Variants in WDR7 observed in about 807,000 individuals in gnomAD.
The protein encoded by WDR7 is WD repeat-containing protein 7.
A neutral mutation model predicts 169.4 loss-of-function variants in WDR7; 46 were observed. The ratio of observed to expected loss-of-function variants is 0.27; its 90% confidence interval spans 0.21 to 0.35. WDR7 has a LOEUF of 0.35. WDR7 is among the 10% of genes least tolerant of loss of function. The probability of loss-of-function intolerance (pLI) is 1.00; values close to 1 mark genes in which losing one functional copy is unlikely to be tolerated. For missense variants in WDR7, 1,534 were observed against 1,859.3 expected (o/e 0.83, Z 3.22); for synonymous variants, 612 against 666.8 (o/e 0.92, Z 1.27).
Position 56,691,324 on chromosome 18 carries a change from G to A in WDR7, c.826G>A (p.Glu276Lys). The A allele has an allele frequency of 1.3e-6, 2 of 1,599,042 alleles. No homozygotes were observed. Among genetic ancestry groups the A allele is most frequent in the East Asian group, 2.3e-5 (1 of 44,288 alleles). ...ATCAGATAAAGTCATCATTTGGACAGAAAATGGGCAAAGTTATATTTACAA... is the reference window on the plus strand; with the variant it reads ...ATCAGATAAAGTCATCATTTGGACAAAAAATGGGCAAAGTTATATTTACAA... ...VSSDKVIIWT[E>K]NGQSYIYKLP... The change falls in exon 8 of 28, where the codon GAA (glutamate) becomes AAA (lysine). Residue 276 changes from glutamate to lysine, a missense_variant. By Grantham distance (56) the Glu-to-Lys change is moderately conservative (BLOSUM62 1). Coordinates refer to ENST00000254442, the MANE Select transcript of WDR7 (RefSeq NM_015285.3).
intron 26 of WDR7, among the ~76,000 whole-genome samples, chr18:56,980,321 C>G (rs1429767177): frequency 6.6e-6 from 1 of 152,212 alleles, no homozygotes; most frequent in Admixed American, 6.5e-5. Flanking sequence ...GTGGCTAGCA[C>G]CCCCAGATTG....
chr18:56,781,171 A>G (rs760169902), intron 18 of WDR7, among the ~76,000 whole-genome samples: 15 of 152,212 alleles, frequency 9.9e-5, no homozygotes, highest in Non-Finnish European at 2.1e-4. Flanking sequence ...TGGCTTAACA[A>G]TAATGTTAAT....
At chr18:57,000,584 C>G (rs1395919032) in intron 26 of WDR7, among the ~76,000 whole-genome samples, 1 of 152,114 alleles carries the variant, frequency 6.6e-6, no homozygotes, top group Non-Finnish European at 1.5e-5. Context: ...TTTGTAAGCT[C>G]AAACAGCACT....
intron 1 of WDR7, among the ~76,000 whole-genome samples, chr18:56,670,780 G>T (rs2025117528): frequency 6.6e-6 from 1 of 152,092 alleles, no homozygotes; most frequent in Non-Finnish European, 1.5e-5. Context: ...CAAAGTGCTG[G>T]GATTACAGAT....
intron 21 of WDR7, among the ~76,000 whole-genome samples, chr18:56,882,914 C>G (rs2046129890): frequency 6.6e-6 from 1 of 152,110 alleles, no homozygotes; most frequent in South Asian, 2.1e-4. Flanking sequence ...TTGCTTAGTA[C>G]AAATATCTGT....
intron 20 of WDR7, 151 bp downstream of exon 20, chr18:56,816,295 CCT>C (rs2145216641): frequency 1.5e-6 from 1 of 645,934 alleles, no homozygotes; most frequent in Admixed American, 3.6e-5. Context: ...TGTTCAGTGT[CCT>C]CTTTAATTTT....
chr18:56,785,156 T>C (rs534800785), intron 19 of WDR7, among the ~76,000 whole-genome samples: 1 of 152,174 alleles, frequency 6.6e-6, no homozygotes, highest in South Asian at 2.1e-4. Flanking sequence ...AATGACCACA[T>C]AGGGCTGTTG....
chr18:56,679,471 T>C, intron 3 of WDR7, 33 bp downstream of exon 3: 1 of 1,543,154 alleles, frequency 6.5e-7, no homozygotes, highest in Non-Finnish European at 8.9e-7. Flanking sequence ...CTTTTTCTCA[T>C]GAGTCTTTAT....
chr18:56,676,048 G>C (rs948594007), intron 2 of WDR7, among the ~76,000 whole-genome samples: 7 of 151,966 alleles, frequency 4.6e-5, no homozygotes, highest in African/African-American at 7.3e-5. Context: ...ATATATCTGG[G>C]TGCTCTGGTG....
chr18:56,701,317 G>C (rs540913477), intron 12 of WDR7, among the ~76,000 whole-genome samples: 5 of 152,156 alleles, frequency 3.3e-5, no homozygotes, highest in Non-Finnish European at 7.4e-5. Flanking sequence ...CTGTGGTTTT[G>C]AGGTTTCTAA....
intron 5 of WDR7, 94 bp from the exon 6 acceptor site, chr18:56,685,862 T>A (rs2025432734): frequency 2.1e-6 from 2 of 942,076 alleles, no homozygotes; most frequent in Non-Finnish European, 3.2e-6. Flanking sequence ...AAACATGCTA[T>A]TGTTTAATTT....
downstream of WDR7, chr18:57,033,103 G>A (rs2048451241): frequency 6.6e-6 from 1 of 151,986 alleles, no homozygotes; most frequent in Non-Finnish European, 1.5e-5. Flanking sequence ...CCAAGCGTAT[G>A]TTCTTTATTT....
intron 20 of WDR7, among the ~76,000 whole-genome samples, chr18:56,822,522 C>T (rs7230044): frequency 0.12 from 17,560 of 152,136 alleles, 1,462 homozygotes; most frequent in African/African-American, 0.23. Flanking sequence ...GAACAAAATA[C>T]GGCATATTAT....
intron 20 of WDR7, among the ~76,000 whole-genome samples, chr18:56,839,148 A>G (rs1158429560): frequency 6.6e-6 from 1 of 152,192 alleles, no homozygotes; most frequent in Non-Finnish European, 1.5e-5. Flanking sequence ...ATTGATATAT[A>G]AATAGTTGTA....
intron 21 of WDR7, among the ~76,000 whole-genome samples, chr18:56,917,929 A>G (rs924235452): frequency 6.6e-6 from 1 of 152,240 alleles, no homozygotes; most frequent in Non-Finnish European, 1.5e-5. Context: ...TAGCATTAAA[A>G]TATGAGCTAT....
intron 23 of WDR7, among the ~76,000 whole-genome samples, chr18:56,936,665 A>G (rs1180239118): frequency 1.3e-5 from 2 of 152,140 alleles, no homozygotes; most frequent in Non-Finnish European, 2.9e-5. Context: ...TACTGGGCCT[A>G]TGTCTGCCCC....
chr18:56,947,893 A>G (rs899365885), intron 25 of WDR7, among the ~76,000 whole-genome samples: 2 of 152,248 alleles, frequency 1.3e-5, no homozygotes, highest in African/African-American at 4.8e-5. Context: ...AGAGAGGTTT[A>G]AGCTCTTGGA....
Position 56,731,368 on chromosome 18 carries a change from A to T in WDR7, c.1775-15A>T, listed in dbSNP as rs376765624. 4.7e-5 allele frequency: 75 copies of T among 1,609,084 alleles called. No homozygotes were observed. Among genetic ancestry groups the T allele is most frequent in the Non-Finnish European group, 2.0e-5 (23 of 1,176,064 alleles). ...GTAGTGTTATGAAATATTTGTGAAT[A>T]TATTTTTCTCGCAGGTGCATTGGAT... is the stretch of plus-strand genomic sequence containing the variant. On this transcript the variant is annotated splice_polypyrimidine_tract_variant and intron_variant, in intron 13 of 27. Coordinates refer to ENST00000254442, the MANE Select transcript of WDR7 (RefSeq NM_015285.3).
intron 14 of WDR7, among the ~76,000 whole-genome samples, chr18:56,755,203 GT>G (rs568774537): frequency 2.0e-3 from 306 of 151,122 alleles, no homozygotes; most frequent in Non-Finnish European, 3.8e-3. Context: ...CTATTTTTTA[GT>G]TGTCATTTAA....
Sources: gnomAD v4.1 joint callset for allele counts (sites outside exome capture counted in the v4.1 genomes callset) on GRCh38, gnomAD v4.1.1 for gene constraint, MANE v1.5 for transcripts, NCBI Gene and HGNC (gene_info 2026-07-23, HGNC 2026-07-21) for gene names.